RPS6KA2: variants seen among roughly 807,000 people sequenced by gnomAD.
RPS6KA2 encodes ribosomal protein S6 kinase alpha-2.
RPS6KA2 carries 42 observed loss-of-function variants against 91.8 expected under a neutral mutation model. The ratio of observed to expected loss-of-function variants is 0.46; its 90% CI spans 0.36 to 0.59. The LOEUF (loss-of-function observed/expected upper bound fraction) is 0.59, where lower values mean the gene tolerates loss of function less well. Among genes scored for constraint, RPS6KA2 ranks in the 20% least tolerant of loss-of-function variants. The pLI is 0.00. For synonymous variants in RPS6KA2, 414 were observed against 393.6 expected (o/e 1.05, Z -0.61); for missense variants, 798 against 978.5 (o/e 0.82, Z 2.46).
chr6:166,720,568 A>C (rs1417802983), intron 2 of RPS6KA2, among the ~76,000 whole-genome samples: 1 of 152,268 alleles, frequency 6.6e-6, no homozygotes, highest in Non-Finnish European at 1.5e-5. Context: ...GAAAGGCATT[A>C]TCAAAGAATC....
intron 2 of RPS6KA2, among the ~76,000 whole-genome samples, chr6:166,797,736 T>A (rs553882533): frequency 6.6e-6 from 1 of 152,186 alleles, no homozygotes; most frequent in East Asian, 1.9e-4. Flanking sequence ...ATCGGACACG[T>A]GCAGTTCAAA....
At chr6:166,581,546 T>C (rs1294479376) in intron 1 of RPS6KA2, among the ~76,000 whole-genome samples, 1 of 151,820 alleles carries the variant, frequency 6.6e-6, no homozygotes, top group Non-Finnish European at 1.5e-5. Context: ...TGGCAGCCTG[T>C]TGAGGCCACC....
At chr6:166,427,376 C>T (rs935161500) in intron 16 of RPS6KA2, among the ~76,000 whole-genome samples, 7 of 152,306 alleles carry the variant, frequency 4.6e-5, no homozygotes, top group African/African-American at 1.7e-4. Context: ...GAAGCATTCC[C>T]TTTGAAAACT....
At chr6:166,504,847 C>A (rs1223419177) in intron 5 of RPS6KA2, among the ~76,000 whole-genome samples, 3 of 152,088 alleles carry the variant, frequency 2.0e-5, no homozygotes, top group Admixed American at 6.5e-5. Flanking sequence ...GTGACTCATG[C>A]CGCCTTGAGA....
intron 2 of RPS6KA2, among the ~76,000 whole-genome samples, chr6:166,822,789 C>CAATG (rs35844557): frequency 0.59 from 88,520 of 149,102 alleles, 26,643 homozygotes; most frequent in Middle Eastern, 0.73. Context: ...ACGTGTTTTC[C>CAATG]AATGAATGAA....
At chr6:166,641,762 A>AAAAAAAAAAAAAAAAAAAAAAAC (rs1787444969) in intron 2 of RPS6KA2, among the ~76,000 whole-genome samples, 1 of 141,134 alleles carries the variant, frequency 7.1e-6, no homozygotes, top group Non-Finnish European at 1.5e-5. Flanking sequence ...AAAAAAAAAA[A>AAAAAAAAAAAAAAAAAAAAAAAC]AATTCAATAG....
rs112368400 is a variant in RPS6KA2 at position 166,494,643 on chromosome 6, G to A, written c.747+3865C>T. ...ACGCAGCCGGCCACCAGGTTTGCACGTTCTTCTCCAGGTACCAGCTCCTAA... is the reference window on the plus strand; with the variant it reads ...ACGCAGCCGGCCACCAGGTTTGCACATTCTTCTCCAGGTACCAGCTCCTAA... On this transcript the variant is annotated intron_variant, in intron 8 of 20. Transcript: ENST00000265678. This position sits in a 1 kb window ranked among gnomAD's most constrained non-coding sequence, Gnocchi z 5.1. Among the ~76,000 whole-genome samples, 2,495 of 152,266 alleles carry A rather than the reference G, an allele frequency of 0.016. 84 individuals are homozygous for A. The highest frequency in any genetic ancestry group is 0.057 in the African/African-American group (2,358 of 41,536).
intron 1 of RPS6KA2, among the ~76,000 whole-genome samples, chr6:166,602,074 C>A (rs1785754416): frequency 6.6e-6 from 1 of 152,182 alleles, no homozygotes; most frequent in African/African-American, 2.4e-5. Flanking sequence ...ATGGGGAACG[C>A]AAAGAGAACT....
intron 2 of RPS6KA2, among the ~76,000 whole-genome samples, chr6:166,853,839 C>T (rs1303488510): frequency 6.6e-6 from 1 of 152,230 alleles, no homozygotes; most frequent in Non-Finnish European, 1.5e-5. Context: ...GCGCTCTCAG[C>T]CCCGGTGCTC....
intron 11 of RPS6KA2, among the ~76,000 whole-genome samples, chr6:166,462,081 C>T (rs928677887): frequency 6.6e-6 from 1 of 152,258 alleles, no homozygotes; most frequent in Non-Finnish European, 1.5e-5. Flanking sequence ...GCGCAGGTGC[C>T]ACCCAGGGTG....
At chr6:166,532,826 T>TGAGAGAGAGA (rs3839531) in intron 2 of RPS6KA2, among the ~76,000 whole-genome samples, 2 of 149,510 alleles carry the variant, frequency 1.3e-5, no homozygotes, top group African/African-American at 4.9e-5. Context: ...GTGTGGAGTG[T>TGAGAGAGAGA]GAGAGAGAGA....
At chr6:166,505,107 C>T (rs1038848183) in intron 5 of RPS6KA2, among the ~76,000 whole-genome samples, 2 of 152,152 alleles carry the variant, frequency 1.3e-5, no homozygotes, top group African/African-American at 2.4e-5. Flanking sequence ...GCCTACGTAA[C>T]CTGCTGTCAA....
intron 2 of RPS6KA2, among the ~76,000 whole-genome samples, chr6:166,729,171 C>T (rs958109243): frequency 4.6e-5 from 7 of 152,202 alleles, no homozygotes; most frequent in East Asian, 1.9e-4. Context: ...TGACATCCAT[C>T]GGCCAGACAA....
chr6:166,765,471 G>C (rs757540863), intron 2 of RPS6KA2, among the ~76,000 whole-genome samples: 1 of 152,214 alleles, frequency 6.6e-6, no homozygotes, highest in African/African-American at 2.4e-5. Context: ...TGCATCCGCA[G>C]CTCAGGGACG....
Position 166,483,465 on chromosome 6 carries a change from C to T in RPS6KA2, c.907+5368G>A, listed in dbSNP as rs571142547. Among the ~76,000 whole-genome samples, 29 of 152,268 alleles carry T rather than the reference C, an allele frequency of 1.9e-4. 1 individual carries two copies. Among genetic ancestry groups the T allele is most frequent in the Admixed American group, 9.1e-4 (14 of 15,304 alleles). ...TTCTAGCAGGAGGACGGCCCGCAAA[C>T]GCTCAGGGGAAAGGAAAAATCAGGC... is the stretch of plus-strand genomic sequence containing the variant. On this transcript the variant is annotated intron_variant, in intron 10 of 20. Transcript: ENST00000265678.
intron 2 of RPS6KA2, among the ~76,000 whole-genome samples, chr6:166,740,462 T>A (rs558792438): frequency 9.8e-5 from 15 of 152,304 alleles, no homozygotes; most frequent in Middle Eastern, 3.4e-3. Context: ...GAAATTAGAT[T>A]CCTATATTAT....
At chr6:166,664,324 G>A (rs1352819521) in intron 2 of RPS6KA2, among the ~76,000 whole-genome samples, 2 of 152,178 alleles carry the variant, frequency 1.3e-5, no homozygotes, top group East Asian at 1.9e-4. Flanking sequence ...GCTGCTCCAC[G>A]GGACTGAAAG....
intron 2 of RPS6KA2, among the ~76,000 whole-genome samples, chr6:166,678,233 C>T (rs1394870508): frequency 6.6e-6 from 1 of 152,184 alleles, no homozygotes; most frequent in Non-Finnish European, 1.5e-5. Flanking sequence ...TCCCAGCACC[C>T]ATTCTTACTC....
chr6:166,851,178 C>G lies in RPS6KA2; in HGVS notation c.123+7022G>C, dbSNP rs73270761. Among the ~76,000 whole-genome samples, 411 of 152,296 alleles carry G rather than the reference C, an allele frequency of 2.7e-3. 3 individuals carry two copies. The highest frequency in any genetic ancestry group is 9.7e-3 in the African/African-American group (401 of 41,554). On this transcript the variant is annotated intron_variant, in intron 2 of 21. Transcript: ENST00000503859. Reference sequence around the variant, plus strand: ...GTGCAAGGCGTGGAAAACAGGCGCACATCAAGAGTTGGGTTGTTATTTCAC... The same window carrying G: ...GTGCAAGGCGTGGAAAACAGGCGCAGATCAAGAGTTGGGTTGTTATTTCAC...
Sources: allele counts gnomAD v4.1 joint callset (sites outside exome capture counted in the v4.1 genomes callset), GRCh38; gene constraint gnomAD v4.1.1; non-coding constraint Gnocchi (gnomAD v3.1); transcripts MANE v1.5; gene names NCBI Gene and HGNC (gene_info 2026-07-23, HGNC 2026-07-21).